Variants in DENND1A observed in about 807,000 individuals in gnomAD.
DENND1A encodes the protein DENN domain-containing protein 1A.
A neutral mutation model predicts 113.7 loss-of-function variants in DENND1A; 51 were observed. The observed-to-expected ratio is 0.45, with a 90% CI of 0.36 to 0.57. The LOEUF is 0.57. Ranked by LOEUF, DENND1A falls within the 20% of genes least tolerant of loss-of-function variation. DENND1A has a pLI of 0.00. For missense variants in DENND1A, 1,258 were observed against 1,395.9 expected, an observed-to-expected ratio of 0.90 and a Z score of 1.57; for synonymous variants, 565 against 570.8, an observed-to-expected ratio of 0.99 and a Z score of 0.14.
At chr9:123,846,337 C>T (rs1016127950) in intron 2 of DENND1A, among the ~76,000 whole-genome samples, 8 of 152,180 alleles carry the variant, frequency 5.3e-5, no homozygotes, top group Non-Finnish European at 1.2e-4. Flanking sequence ...CAATGCCATT[C>T]CTAGGTATAT....
chr9:123,651,907 G>A, intron 9 of DENND1A, 106 bp downstream of exon 9: 1 of 834,428 alleles, frequency 1.2e-6, no homozygotes, highest in African/African-American at 1.7e-5. Flanking sequence ...GCCATATAAG[G>A]GGACTGTAGC....
At chr9:123,696,501 G>A (rs911147726) in intron 5 of DENND1A, among the ~76,000 whole-genome samples, 1 of 152,172 alleles carries the variant, frequency 6.6e-6, no homozygotes, top group African/African-American at 2.4e-5. Context: ...CAAATCCTAT[G>A]AACACTGAAT....
intron 10 of DENND1A, among the ~76,000 whole-genome samples, chr9:123,625,110 G>A (rs149575167): frequency 3.9e-5 from 6 of 152,158 alleles, no homozygotes; most frequent in African/African-American, 9.6e-5. Context: ...ATATACATCC[G>A]ATTTTTTGTG....
intron 1 of DENND1A, among the ~76,000 whole-genome samples, chr9:123,894,496 C>T (rs1470856983): frequency 6.6e-6 from 1 of 152,120 alleles, no homozygotes; most frequent in Admixed American, 6.5e-5. Flanking sequence ...TGACTGGCTG[C>T]CACGAATTGA....
intron 2 of DENND1A, among the ~76,000 whole-genome samples, chr9:123,859,176 T>C (rs955623717): frequency 3.3e-5 from 5 of 152,162 alleles, no homozygotes; most frequent in African/African-American, 4.8e-5. Context: ...AAGGAAACAA[T>C]AGTATACAGT....
At chr9:123,440,278 C>T (rs867829656) in intron 19 of DENND1A, 82 bp downstream of exon 19, 23 of 1,445,058 alleles carry the variant, frequency 1.6e-5, no homozygotes, top group East Asian at 7.9e-5. Context: ...AATGAAAAAC[C>T]GTCTGCTGCA....
chr9:123,554,905 T>C (rs562797860), intron 13 of DENND1A, among the ~76,000 whole-genome samples: 15 of 152,360 alleles, frequency 9.8e-5, no homozygotes, highest in South Asian at 2.1e-4. Context: ...TCTAAGCTGA[T>C]AGAATATTAC....
chr9:123,762,477 G>C (rs1483141150), intron 4 of DENND1A, among the ~76,000 whole-genome samples: 1 of 152,222 alleles, frequency 6.6e-6, no homozygotes, highest in African/African-American at 2.4e-5. Flanking sequence ...TGCATGAATG[G>C]TATGAAGCAT....
At chr9:123,711,191 G>A (rs932323950) in intron 5 of DENND1A, among the ~76,000 whole-genome samples, 1 of 151,764 alleles carries the variant, frequency 6.6e-6, no homozygotes, top group Admixed American at 6.6e-5. Flanking sequence ...GAGGCCAGGT[G>A]CGGTGGCTCA....
At position 123,792,645 on chromosome 9, in the gene DENND1A, C is replaced by T; in HGVS notation, c.89-15G>A. On this transcript the variant is annotated splice_polypyrimidine_tract_variant and intron_variant, in intron 2 of 23. Coordinates refer to ENST00000394215, the MANE Select transcript of DENND1A (RefSeq NM_001352964.2). ...CACCTCAGGATCTGTAAATAATTGA[C>T]AGATAATATTAATTGGCTTTGGATT... 4 of 1,612,658 alleles carry T rather than the reference C, an allele frequency of 2.5e-6. No individual in the cohort carries two copies. The highest frequency in any genetic ancestry group is 3.4e-6 in the Non-Finnish European group (4 of 1,179,260).
At chr9:123,695,899 T>G (rs2065481849) in intron 5 of DENND1A, among the ~76,000 whole-genome samples, 1 of 151,358 alleles carries the variant, frequency 6.6e-6, no homozygotes, top group Non-Finnish European at 1.5e-5. Flanking sequence ...TAAAGGTTAC[T>G]GGAACACAGA....
intron 19 of DENND1A, among the ~76,000 whole-genome samples, chr9:123,419,305 T>G (rs1207703773): frequency 1.3e-5 from 2 of 152,202 alleles, no homozygotes; most frequent in Admixed American, 6.5e-5. Context: ...ATCCTCTGTG[T>G]GCATTGTGTA....
At chr9:123,809,782 C>T (rs780425453) in intron 2 of DENND1A, among the ~76,000 whole-genome samples, 3 of 152,088 alleles carry the variant, frequency 2.0e-5, no homozygotes, top group African/African-American at 7.2e-5. Flanking sequence ...GCAATTCTCG[C>T]GCCTCAGCCT....
At chr9:123,689,921 G>A (rs2065055740) in intron 5 of DENND1A, among the ~76,000 whole-genome samples, 1 of 151,712 alleles carries the variant, frequency 6.6e-6, no homozygotes, top group Non-Finnish European at 1.5e-5. Flanking sequence ...TCCAAGAGTT[G>A]GAGGTTCCAG....
intron 5 of DENND1A, among the ~76,000 whole-genome samples, chr9:123,739,869 C>T (rs62579208): frequency 1.3e-4 from 19 of 150,980 alleles, no homozygotes; most frequent in Non-Finnish European, 2.4e-4. Flanking sequence ...TTCTACACAC[C>T]AGAGTTCTTC....
intron 1 of DENND1A, among the ~76,000 whole-genome samples, chr9:123,912,723 C>T (rs549699196): frequency 3.9e-5 from 6 of 152,228 alleles, no homozygotes; most frequent in Non-Finnish European, 7.4e-5. Flanking sequence ...AGTGGAGACC[C>T]TGGACTTCCA....
At chr9:123,695,210 A>ATAT (rs1491092765) in intron 5 of DENND1A, among the ~76,000 whole-genome samples, 1 of 143,224 alleles carries the variant, frequency 7.0e-6, no homozygotes, top group African/African-American at 2.9e-5. Context: ...ATAACTCTCC[A>ATAT]TATATATATA....
At chr9:123,590,284 G>A (rs892916173) in intron 11 of DENND1A, among the ~76,000 whole-genome samples, 5 of 152,164 alleles carry the variant, frequency 3.3e-5, no homozygotes, top group African/African-American at 7.2e-5. Context: ...GCTTTTGGGG[G>A]TTGGGAATCA....
rs78023025 is a variant in DENND1A, at chr9:123,508,384, C to T, written c.993+49186G>A. ...TATTCATGGTTCGTAAATTCTAAGA[C>T]GACACCCATGAAGATATCTCTAAGC... On this transcript the variant is annotated intron_variant, in intron 13 of 23. Coordinates refer to ENST00000394215, the MANE Select transcript of DENND1A (RefSeq NM_001352964.2). 6.2e-3 allele frequency among the ~76,000 whole-genome samples: 948 copies of T among 152,282 alleles called. 1 individual carries two copies. Among genetic ancestry groups the T allele is most frequent in the Admixed American group, 0.018 (281 of 15,284 alleles).
Sources: allele counts gnomAD v4.1 joint callset (sites outside exome capture counted in the v4.1 genomes callset), GRCh38; gene constraint gnomAD v4.1.1; transcripts MANE v1.5; gene names NCBI Gene and HGNC (gene_info 2026-07-23, HGNC 2026-07-21).